The following CNTNAP2 variants were observed in gnomAD, a reference collection of about 807,000 sequenced individuals.
CNTNAP2 encodes contactin-associated protein-like 2.
A neutral mutation model predicts 155.2 loss-of-function variants in CNTNAP2; 98 were observed. The observed-to-expected ratio is 0.63, with a 90% CI of 0.54 to 0.75. The LOEUF is 0.75. Among genes scored for constraint, CNTNAP2 ranks in the 30% least tolerant of loss-of-function variants. CNTNAP2 has a pLI of 0.00. For synonymous variants in CNTNAP2, 651 were observed against 631.2 expected (o/e 1.03, Z -0.47); for missense variants, 1,727 against 1,688.1 (o/e 1.02, Z -0.40).
chr7:146,812,382 TAAAAG>T (rs368403479), intron 2 of CNTNAP2, among the ~76,000 whole-genome samples: 574 of 151,138 alleles, frequency 3.8e-3, no homozygotes, highest in African/African-American at 0.012. Context: ...ACTTTGAACT[TAAAAG>T]AGATGAGTTA....
intron 2 of CNTNAP2, among the ~76,000 whole-genome samples, 200 bp from the exon 3 acceptor site, chr7:146,839,511 A>G (rs911206543): frequency 1.3e-5 from 2 of 152,172 alleles, no homozygotes; most frequent in East Asian, 3.9e-4. Context: ...ATTACACCAT[A>G]AAGAGGTTAA....
chr7:146,811,595 CT>C (rs1248110377), intron 2 of CNTNAP2, among the ~76,000 whole-genome samples: 2 of 151,924 alleles, frequency 1.3e-5, no homozygotes, highest in Non-Finnish European at 2.9e-5. Flanking sequence ...TTTCATTGAT[CT>C]TTTCTATAGG....
At chr7:147,261,087 A>T (rs2116684229) in intron 8 of CNTNAP2, among the ~76,000 whole-genome samples, 1 of 152,352 alleles carries the variant, frequency 6.6e-6, no homozygotes, top group African/African-American at 2.4e-5. Flanking sequence ...TAAACATGTT[A>T]TTCGGGGTTC....
At chr7:148,096,280 T>TGC (rs1491489674) in intron 15 of CNTNAP2, among the ~76,000 whole-genome samples, 1 of 39,286 alleles carries the variant, frequency 2.5e-5, no homozygotes, top group Non-Finnish European at 4.2e-5. Flanking sequence ...CATGCATGCA[T>TGC]GTGTGTGTGT....
At chr7:147,362,502 A>C (rs946472238) in intron 9 of CNTNAP2, among the ~76,000 whole-genome samples, 1 of 152,220 alleles carries the variant, frequency 6.6e-6, no homozygotes, top group Admixed American at 6.5e-5. Flanking sequence ...ATGATCTGTC[A>C]GTCACAGTAA....
chr7:146,643,043 T>C (rs1332160013), intron 1 of CNTNAP2, among the ~76,000 whole-genome samples: 2 of 144,888 alleles, frequency 1.4e-5, no homozygotes, highest in Non-Finnish European at 3.0e-5. Flanking sequence ...GAGTTCATTG[T>C]AGATTCTGGA....
At chr7:148,000,185 C>T (rs1397056401) in intron 15 of CNTNAP2, among the ~76,000 whole-genome samples, 1 of 152,110 alleles carries the variant, frequency 6.6e-6, no homozygotes, top group African/African-American at 2.4e-5. Context: ...GGACACCCAC[C>T]GCTCCCCTGC....
At chr7:147,065,737 T>G (rs941165189) in intron 4 of CNTNAP2, among the ~76,000 whole-genome samples, 2 of 152,222 alleles carry the variant, frequency 1.3e-5, no homozygotes, top group Non-Finnish European at 1.5e-5. Context: ...TTATACTGAA[T>G]TCCTACTCTT....
intron 1 of CNTNAP2, among the ~76,000 whole-genome samples, chr7:146,489,462 T>C (rs1322572130): frequency 6.6e-6 from 1 of 152,186 alleles, no homozygotes; most frequent in Admixed American, 6.5e-5. Context: ...AAAATATAAC[T>C]AAGTTTTACA....
intron 1 of CNTNAP2, among the ~76,000 whole-genome samples, chr7:146,152,668 T>C (rs1450142528): frequency 1.3e-5 from 2 of 152,146 alleles, no homozygotes; most frequent in Non-Finnish European, 2.9e-5. Context: ...TAAAATAAGA[T>C]AAAATAAAAT....
chr7:148,183,580 C>T (rs1486503855), intron 18 of CNTNAP2, among the ~76,000 whole-genome samples: 1 of 147,132 alleles, frequency 6.8e-6, no homozygotes, highest in Non-Finnish European at 1.5e-5. Flanking sequence ...CTCCTGGGCT[C>T]AAGTGATCCT....
Position 147,574,145 on chromosome 7 carries a change from T to A in CNTNAP2, c.1897+11888T>A, listed in dbSNP as rs189726089. The stretch of plus-strand genomic sequence containing the variant: ...CATTGTGGTTTTAAATCAGAGTTCT[T>A]TTTTCTTCTTGAAAATTTCCTTTTC... On this transcript the variant is annotated intron_variant, in intron 12 of 23. Coordinates refer to ENST00000361727, the MANE Select transcript of CNTNAP2 (RefSeq NM_014141.6). Among the ~76,000 whole-genome samples the A allele has an allele frequency of 4.9e-3, 750 of 152,266 alleles. 2 individuals carry two copies. Among genetic ancestry groups the A allele is most frequent in the Non-Finnish European group, 8.9e-3 (602 of 68,014 alleles).
intron 14 of CNTNAP2, among the ~76,000 whole-genome samples, chr7:147,959,768 T>C (rs553809056): frequency 6.0e-4 from 92 of 152,186 alleles, no homozygotes; most frequent in African/African-American, 2.0e-3. Flanking sequence ...GGGTGTGTCT[T>C]ATGGAAAGCT....
intron 1 of CNTNAP2, among the ~76,000 whole-genome samples, chr7:146,756,209 T>C (rs1160065595): frequency 6.6e-6 from 1 of 151,978 alleles, no homozygotes; most frequent in Non-Finnish European, 1.5e-5. Flanking sequence ...TCTCTTGTTT[T>C]AACTAAGATG....
At chr7:146,340,035 G>A (rs1434191881) in intron 1 of CNTNAP2, among the ~76,000 whole-genome samples, 4 of 151,916 alleles carry the variant, frequency 2.6e-5, no homozygotes, top group South Asian at 4.1e-4. Context: ...CGGGCATGGT[G>A]GTGGGTGCCT....
chr7:147,946,662 C>T (rs1421551185), intron 14 of CNTNAP2, among the ~76,000 whole-genome samples: 1 of 151,852 alleles, frequency 6.6e-6, no homozygotes, highest in African/African-American at 2.4e-5. Flanking sequence ...TCGCTGAAGT[C>T]AAGCAGAAGA....
chr7:148,105,061 C>A (rs1219228761), intron 15 of CNTNAP2, among the ~76,000 whole-genome samples: 1 of 152,106 alleles, frequency 6.6e-6, no homozygotes, highest in East Asian at 1.9e-4. Context: ...ATATAGAAAG[C>A]ACAATCTCTG....
chr7:146,466,023 C>T (rs1796712659), intron 1 of CNTNAP2, among the ~76,000 whole-genome samples: 1 of 152,060 alleles, frequency 6.6e-6, no homozygotes, highest in African/African-American at 2.4e-5. Context: ...TTTGATTGGA[C>T]CTCTGGTCTG....
chr7:146,943,965 T>C (rs1276384013), intron 3 of CNTNAP2, among the ~76,000 whole-genome samples: 3 of 152,194 alleles, frequency 2.0e-5, no homozygotes, highest in Admixed American at 6.5e-5. Context: ...ATTTGTACTA[T>C]AGTTAATTTT....
Sources: gnomAD v4.1 joint callset for allele counts (sites outside exome capture counted in the v4.1 genomes callset) on GRCh38, gnomAD v4.1.1 for gene constraint, MANE v1.5 for transcripts, NCBI Gene and HGNC (gene_info 2026-07-23, HGNC 2026-07-21) for gene names.